The following PCDH11X variants were observed in gnomAD, a reference collection of about 807,000 sequenced individuals.
PCDH11X encodes protocadherin 11 X-linked, also known as protocadherin-11 X-linked.
PCDH11X carries 18 observed loss-of-function variants against 53.3 expected under a neutral mutation model. The ratio of observed to expected loss-of-function variants is 0.34; its 90% CI spans 0.23 to 0.50. The LOEUF (loss-of-function observed/expected upper bound fraction) is 0.50, where lower values mean the gene tolerates loss of function less well. PCDH11X is among the 20% of genes least tolerant of loss of function. The pLI, the probability that PCDH11X is intolerant of heterozygous loss-of-function variation, is 0.98. For synonymous variants in PCDH11X, 279 were observed against 393.3 expected (o/e 0.71, Z 3.44); for missense variants, 570 against 1,032.4 (o/e 0.55, Z 6.14).
chrX:92,551,888 T>C (rs2074960951), intron 10 of PCDH11X, among the ~76,000 whole-genome samples: 1 of 105,584 alleles, frequency 9.5e-6, no homozygotes, highest in Non-Finnish European at 2.0e-5. Flanking sequence ...GGGTTCTCTA[T>C]TCTGTTCCAT....
At chrX:92,439,552 T>G (rs1310774320) in intron 9 of PCDH11X, among the ~76,000 whole-genome samples, 1 of 110,186 alleles carries the variant, frequency 9.1e-6, no homozygotes, top group Non-Finnish European at 1.9e-5. Context: ...AAAAAGTGAT[T>G]GAGTTTATAA....
chrX:91,901,347 G>C (rs1320275495), intron 6 of PCDH11X, among the ~76,000 whole-genome samples: 3 of 110,263 alleles, frequency 2.7e-5, no homozygotes, highest in Non-Finnish European at 5.7e-5. Context: ...CTCAAGCTCA[G>C]GTAATTGGTA....
intron 8 of PCDH11X, among the ~76,000 whole-genome samples, chrX:92,285,012 C>T (rs764489478): frequency 4.5e-5 from 5 of 111,182 alleles, no homozygotes; most frequent in East Asian, 2.8e-4. Flanking sequence ...CCTCTGTTTT[C>T]GCCTCCTAAT....
chrX:92,163,565 C>A (rs2065680045), intron 6 of PCDH11X, among the ~76,000 whole-genome samples: 1 of 111,030 alleles, frequency 9.0e-6, no homozygotes, highest in Admixed American at 9.6e-5. Flanking sequence ...TGACTCAGCT[C>A]TAGATGAGGT....
chrX:92,276,644 G>T (rs1260799279), intron 8 of PCDH11X, among the ~76,000 whole-genome samples: 1 of 111,112 alleles, frequency 9.0e-6, no homozygotes, highest in Non-Finnish European at 1.9e-5. Flanking sequence ...GCAAGGAATT[G>T]CAAGTTTTTT....
At chrX:92,256,681 T>A (rs941083074) in intron 7 of PCDH11X, among the ~76,000 whole-genome samples, 1 of 111,207 alleles carries the variant, frequency 9.0e-6, no homozygotes, top group African/African-American at 3.3e-5. Context: ...TCAGCATCCA[T>A]TAGCTATTCT....
chrX:92,095,093 G>A (rs2064113924), intron 6 of PCDH11X, among the ~76,000 whole-genome samples: 2 of 110,818 alleles, frequency 1.8e-5, no homozygotes, highest in Admixed American at 9.7e-5. Context: ...TCCCAAATCC[G>A]AGTCCTCCTA....
At position 92,103,293 on chromosome X, in the gene PCDH11X, G is replaced by T. The variant is rs779643878; in HGVS notation, c.3034-98082G>T. Among the ~76,000 whole-genome samples, 5 of 110,879 alleles carry T rather than the reference G, an allele frequency of 4.5e-5. No homozygotes were observed. In the East Asian group the frequency reaches 1.4e-3, roughly 32 times the overall value. Reference sequence around the variant, plus strand: ...GTGTTGTCTAAGTTGGCACCAGAGTGGGGGGAGTTTTAAGAGGTTTAGAAG... The same window carrying T: ...GTGTTGTCTAAGTTGGCACCAGAGTTGGGGGAGTTTTAAGAGGTTTAGAAG... On this transcript the variant is annotated intron_variant, in intron 6 of 10. Coordinates refer to ENST00000682573, the MANE Select transcript of PCDH11X (RefSeq NM_032968.5).
At chrX:91,978,411 A>C (rs1242052384) in intron 6 of PCDH11X, among the ~76,000 whole-genome samples, 1 of 105,056 alleles carries the variant, frequency 9.5e-6, no homozygotes, top group African/African-American at 3.5e-5. Context: ...CACACTTCGC[A>C]CATCTCTTCA....
At chrX:92,216,353 T>C (rs1305631679) in intron 7 of PCDH11X, among the ~76,000 whole-genome samples, 1 of 106,819 alleles carries the variant, frequency 9.4e-6, no homozygotes, top group African/African-American at 3.4e-5. Flanking sequence ...AGAGAAGTGC[T>C]TAAAGGAGCT....
intron 4 of PCDH11X, among the ~76,000 whole-genome samples, chrX:91,827,241 G>T (rs185578581): frequency 1.3e-4 from 15 of 111,590 alleles, no homozygotes; most frequent in African/African-American, 4.9e-4. Context: ...TCATATGCTT[G>T]CTGGCCACAT....
intron 6 of PCDH11X, among the ~76,000 whole-genome samples, chrX:91,958,016 A>G (rs1356849214): frequency 1.8e-5 from 2 of 110,436 alleles, no homozygotes; most frequent in Non-Finnish European, 3.8e-5. Context: ...ACAATGGATC[A>G]GCGTCCCACT....
At chrX:92,553,760 A>T (rs971636681) in intron 10 of PCDH11X, among the ~76,000 whole-genome samples, 1 of 108,165 alleles carries the variant, frequency 9.2e-6, no homozygotes, top group South Asian at 4.0e-4. Context: ...TTGGTGTTAT[A>T]TTTCCATTAT....
At chrX:91,785,259 G>C (rs1394541282) in intron 1 of PCDH11X, among the ~76,000 whole-genome samples, 1 of 100,519 alleles carries the variant, frequency 9.9e-6, no homozygotes, top group African/African-American at 3.8e-5. Context: ...TTGGTATAGC[G>C]GCTCAAGTTT....
At chrX:92,600,274 T>A (rs1390036395) in intron 10 of PCDH11X, among the ~76,000 whole-genome samples, 1 of 109,939 alleles carries the variant, frequency 9.1e-6, no homozygotes, top group African/African-American at 3.4e-5. Context: ...CTCCAGGACA[T>A]GTCAGAGGTC....
chrX:92,178,460 G>A (rs778351422), intron 6 of PCDH11X, among the ~76,000 whole-genome samples: 25 of 111,839 alleles, frequency 2.2e-4, no homozygotes, highest in Non-Finnish European at 3.4e-4. Context: ...TGGCCTAATG[G>A]CATGTCTCCA....
chrX:92,072,744 G>A (rs765978726), intron 6 of PCDH11X, among the ~76,000 whole-genome samples: 12 of 111,013 alleles, frequency 1.1e-4, no homozygotes, highest in East Asian at 5.7e-4. Flanking sequence ...GTTTTGAGCC[G>A]CACTGCCTGG....
In PCDH11X at chrX:92,206,218, T is replaced by C. The variant is rs748417347; in HGVS notation, c.3114+4763T>C. Among the ~76,000 whole-genome samples, 9 of 112,001 alleles carry C rather than the reference T, an allele frequency of 8.0e-5. No homozygotes were observed. The East Asian group carries it at 2.3e-3, about 28-fold the overall frequency. On this transcript the variant is annotated intron_variant, in intron 7 of 10. Transcript: ENST00000682573. ...TGTACGGATAAGGACTTTTCAATCT[T>C]GTTTTTAAGGAACATTGTGCTTACC...
intron 7 of PCDH11X, among the ~76,000 whole-genome samples, chrX:92,248,054 C>T (rs2067384456): frequency 9.0e-6 from 1 of 111,547 alleles, no homozygotes; most frequent in African/African-American, 3.3e-5. Flanking sequence ...GAAAATTTCA[C>T]AGAAAATGCA....
Sources: allele counts gnomAD v4.1 joint callset (sites outside exome capture counted in the v4.1 genomes callset), GRCh38; gene constraint gnomAD v4.1.1; transcripts MANE v1.5; gene names NCBI Gene and HGNC (gene_info 2026-07-23, HGNC 2026-07-21).